STEAP1: variants seen among roughly 807,000 people sequenced by gnomAD.
STEAP1 encodes the protein STEAP1 protein.
STEAP1 carries 30 observed loss-of-function variants against 34.4 expected under a neutral mutation model. The ratio of observed to expected loss-of-function variants is 0.87; its 90% CI spans 0.65 to 1.18. STEAP1 has a LOEUF of 1.18. STEAP1 is among the 50% of genes most tolerant of loss of function. STEAP1 has a pLI of 0.00. For synonymous variants in STEAP1, 116 were observed against 135.3 expected, an observed-to-expected ratio of 0.86 and a Z score of 0.99; for missense variants, 318 against 391.1, an observed-to-expected ratio of 0.81 and a Z score of 1.58.
Position 90,161,222 on chromosome 7 carries a change from A to G in STEAP1, c.502A>G (p.Ser168Gly). 2 of 1,614,120 alleles carry G rather than the reference A, an allele frequency of 1.2e-6. No individual in the cohort carries two copies. The highest frequency in any genetic ancestry group is 1.7e-6 in the Non-Finnish European group (2 of 1,179,996). Reference sequence around the variant, plus strand: ...AACAAGAAAGCAGTTTGGGCTTCTCAGTTTCTTTTTTGCTGTACTGCATGC... The same window carrying G: ...AACAAGAAAGCAGTTTGGGCTTCTCGGTTTCTTTTTTGCTGTACTGCATGC... ...MLTRKQFGLLSFFFAVLHAIY... is the reference protein window; with the variant it reads ...MLTRKQFGLLGFFFAVLHAIY... Residue 168 changes from serine to glycine, a missense_variant, in exon 3 of 5, where the codon AGT (serine) becomes GGT (glycine). Ser to Gly is a moderately conservative substitution (Grantham distance 56, BLOSUM62 0). Transcript: ENST00000297205.
chr7:90,155,356 T>C (rs559535992), intron 1 of STEAP1, among the ~76,000 whole-genome samples: 1 of 152,242 alleles, frequency 6.6e-6, no homozygotes, highest in East Asian at 1.9e-4. Context: ...CAACCCACAG[T>C]GTATTCCAGG....
Position 90,164,718 on chromosome 7 carries a change from T to TA in STEAP1, c.1005dup (p.Cys336MetfsTer17). ...GTCACCAAAATTAACAAAACTGAGA[T>TA]ATGTTCCCAGTTGTAGAATTACTGT... On this transcript the variant is annotated frameshift_variant, in exon 5 of 5. Transcript: ENST00000297205. LOFTEE classifies it high-confidence loss of function. 6.2e-7 allele frequency: 1 copy of TA among 1,612,100 alleles called. No individual in the cohort carries two copies. Among genetic ancestry groups the TA allele is most frequent in the Non-Finnish European group, 8.5e-7 (1 of 1,179,274 alleles).
In STEAP1 at chr7:90,164,494, T is replaced by A. The variant is rs749196908; in HGVS notation, c.780T>A (p.Val260=). The A allele has an allele frequency of 3.1e-6, 5 of 1,603,684 alleles. No individual in the cohort carries two copies. The East Asian group carries it at 1.1e-4, about 36-fold the overall frequency. The change falls in exon 5 of 5, where the codon GTT becomes GTA. Residue 260 remains valine, a synonymous_variant. Coordinates refer to ENST00000297205, the MANE Select transcript of STEAP1 (RefSeq NM_012449.3). ...TTTTGCAGAGCAAGCTAGGAATTGTTTCCCTTCTACTGGGCACAATACACG... is the reference window on the plus strand; with the variant it reads ...TTTTGCAGAGCAAGCTAGGAATTGTATCCCTTCTACTGGGCACAATACACG... ...FHYIQSKLGI[V]SLLLGTIHAL...
At chr7:90,155,510 G>C (rs1794107167) in intron 1 of STEAP1, among the ~76,000 whole-genome samples, 2 of 152,138 alleles carry the variant, frequency 1.3e-5, no homozygotes, top group South Asian at 4.1e-4. Context: ...TTTTAAAAGG[G>C]GGTGAAAGAG....
chr7:90,157,536 A>T (rs1281421842), intron 1 of STEAP1, among the ~76,000 whole-genome samples: 1 of 152,160 alleles, frequency 6.6e-6, no homozygotes, highest in African/African-American at 2.4e-5. Context: ...TCATATACCC[A>T]CTTCTGTGAC....
chr7:90,160,426 G>A (rs1017698049), intron 2 of STEAP1, among the ~76,000 whole-genome samples: 1 of 151,140 alleles, frequency 6.6e-6, no homozygotes, highest in Non-Finnish European at 1.5e-5. Context: ...CAGAAATTTT[G>A]GTTCCAAACT....
At chr7:90,163,013 G>C (rs903572840) in intron 4 of STEAP1, 2 of 433,836 alleles carry the variant, frequency 4.6e-6, no homozygotes, top group African/African-American at 4.0e-5. Flanking sequence ...ATCACTCTGG[G>C]ATCCTTGTCT....
In STEAP1 at chr7:90,164,332, A is replaced by G. The variant is rs1794222989; in HGVS notation, c.763-145A>G. 9.0e-6 allele frequency: 9 copies of G among 998,842 alleles called. 1 individual carries two copies. The East Asian group carries it at 2.2e-4, about 24-fold the overall frequency. The allele number at this position is 998,842 out of a possible 1,614,324, so 61.9% of individuals were successfully genotyped here. A position where few individuals can be genotyped will look rare whatever the true frequency, so the allele number is the denominator to read the frequency against. On this transcript the variant is annotated intron_variant, in intron 4 of 4. Transcript: ENST00000297205. Reference sequence around the variant, plus strand: ...AGGAGGATAGGCAAAAAGAGTAGAAAGATGTGAATGGACATTGTTGAGAAA... The same window carrying G: ...AGGAGGATAGGCAAAAAGAGTAGAAGGATGTGAATGGACATTGTTGAGAAA...
Position 90,161,327 on chromosome 7 carries a change from C to G in STEAP1, c.597+10C>G, listed in dbSNP as rs1188825271. 1.2e-6 allele frequency: 2 copies of G among 1,606,246 alleles called. No individual in the cohort carries two copies. Among genetic ancestry groups the G allele is most frequent in the Admixed American group, 3.4e-5 (2 of 59,076 alleles). On this transcript the variant is annotated intron_variant, in intron 3 of 4. Transcript: ENST00000297205. ...CTGGGCATATCAACAGGTAAGATGACAGTGTTGACACTGTTACTAATAAAA... is the reference window on the plus strand; with the variant it reads ...CTGGGCATATCAACAGGTAAGATGAGAGTGTTGACACTGTTACTAATAAAA...
intron 4 of STEAP1, among the ~76,000 whole-genome samples, chr7:90,162,405 T>A (rs1180984684): frequency 6.6e-6 from 1 of 152,094 alleles, no homozygotes; most frequent in African/African-American, 2.4e-5. Context: ...CTCGGCTCAC[T>A]GCAACCTGCG....
At chr7:90,159,230 A>G (rs1190345677) in intron 1 of STEAP1, among the ~76,000 whole-genome samples, 1 of 152,228 alleles carries the variant, frequency 6.6e-6, no homozygotes, top group African/African-American at 2.4e-5. Flanking sequence ...GAAACATACT[A>G]GCAATTCACA....
At chr7:90,157,998 T>C (rs2115958124) in intron 1 of STEAP1, among the ~76,000 whole-genome samples, 1 of 152,368 alleles carries the variant, frequency 6.6e-6, no homozygotes, top group South Asian at 2.1e-4. Flanking sequence ...CTGTATAGCA[T>C]GTTACTGTGC....
At chr7:90,159,540 T>C (rs116456489) in intron 1 of STEAP1, among the ~76,000 whole-genome samples, 2,068 of 152,308 alleles carry the variant, frequency 0.014, 42 homozygotes, top group African/African-American at 0.047. Flanking sequence ...AACAAATAAG[T>C]AGATAAAGAA....
chr7:90,158,195 A>C (rs1165033802), intron 1 of STEAP1, among the ~76,000 whole-genome samples: 1 of 152,192 alleles, frequency 6.6e-6, no homozygotes, highest in Non-Finnish European at 1.5e-5. Context: ...GTAGTGAGTG[A>C]ATGTAAAGGC....
intron 4 of STEAP1, chr7:90,162,940 C>A (rs1334903600): frequency 3.1e-6 from 1 of 324,306 alleles, no homozygotes; most frequent in Non-Finnish European, 7.2e-6. Flanking sequence ...TTAAAAATAT[C>A]TCAGATTTAC....
chr7:90,161,126 G>C lies in STEAP1; in HGVS notation c.406G>C (p.Ala136Pro), dbSNP rs755948533. The C allele has an allele frequency of 1.4e-5, 23 of 1,613,842 alleles. No homozygotes were observed. The highest frequency in any genetic ancestry group is 1.9e-5 in the Non-Finnish European group (22 of 1,179,830). The stretch of plus-strand genomic sequence containing the variant: ...ATTGGTTTACCTGCCAGGTGTGATA[G>C]CAGCAATTGTCCAACTTCATAATGG... ...LALVYLPGVIAAIVQLHNGTK... is the reference protein window; with the variant it reads ...LALVYLPGVIPAIVQLHNGTK... Residue 136 changes from alanine (A) to proline (P), a missense_variant, in exon 3 of 5, where the codon GCA (alanine) becomes CCA (proline). By Grantham distance (27) the Ala-to-Pro change is conservative (BLOSUM62 -1). Transcript: ENST00000297205.
At position 90,161,325 on chromosome 7, in the gene STEAP1, G is replaced by A; in HGVS notation, c.597+8G>A. The stretch of plus-strand genomic sequence containing the variant: ...AACTGGGCATATCAACAGGTAAGAT[G>A]ACAGTGTTGACACTGTTACTAATAA... On this transcript the variant is annotated splice_region_variant and intron_variant, in intron 3 of 4. Transcript: ENST00000297205. 6.2e-7 allele frequency: 1 copy of A among 1,606,294 alleles called. No individual in the cohort carries two copies. The highest frequency in any genetic ancestry group is 8.5e-7 in the Non-Finnish European group (1 of 1,175,800).
In STEAP1 at chr7:90,161,894, C is replaced by A. The variant is rs1584193968; in HGVS notation, c.598-20C>A. The A allele has an allele frequency of 3.8e-6, 6 of 1,579,950 alleles. No homozygotes were observed. In the East Asian group the frequency reaches 1.3e-4, roughly 35 times the overall value. On this transcript the variant is annotated intron_variant, in intron 3 of 4. Coordinates refer to ENST00000297205, the MANE Select transcript of STEAP1 (RefSeq NM_012449.3). ...TAACTGTTGTTTGCATTTCTTCTTT[C>A]TTTATTTACCTTCTGGTAGGTCCAA...
At position 90,160,816 on chromosome 7, in the gene STEAP1, G is replaced by T. The variant is rs368900941; in HGVS notation, c.96G>T (p.Thr32=). ...TCTTTCCTTTGTAGCATAAGGACAC[G>T]GGAGAGACCAGCATGCTAAAAAGAC... ...LEEDDYLHKD[T]GETSMLKRPV... is the part of the protein sequence containing the mutation. Residue 32 remains threonine (T), a synonymous_variant, in exon 3 of 5, where the codon ACG becomes ACT. Coordinates refer to ENST00000297205, the MANE Select transcript of STEAP1 (RefSeq NM_012449.3). 1.2e-6 allele frequency: 2 copies of T among 1,613,064 alleles called. No homozygotes were observed. Among genetic ancestry groups the T allele is most frequent in the African/African-American group, 2.7e-5 (2 of 74,910 alleles).
Sources: gnomAD v4.1 joint callset for allele counts (sites outside exome capture counted in the v4.1 genomes callset) on GRCh38, gnomAD v4.1.1 for gene constraint, MANE v1.5 for transcripts, NCBI Gene and HGNC (gene_info 2026-07-23, HGNC 2026-07-21) for gene names.